Variants in BAHCC1 observed in about 807,000 individuals in gnomAD.
BAHCC1 encodes BAH domain and coiled-coil containing 1, also known as BAH and coiled-coil domain-containing protein 1.
A neutral mutation model predicts 88.2 loss-of-function variants in BAHCC1; 43 were observed. That is an observed-to-expected ratio of 0.49 (90% confidence interval 0.38 to 0.63). The LOEUF (loss-of-function observed/expected upper bound fraction) is 0.63. Among genes scored for constraint, BAHCC1 ranks in the 20% least tolerant of loss-of-function variants. The pLI is 0.00. For missense variants in BAHCC1, 3,023 were observed against 1,654.8 expected, an observed-to-expected ratio of 1.83 and a Z score of -14.34; for synonymous variants, 1,510 against 745.5, an observed-to-expected ratio of 2.03 and a Z score of -16.71.
chr17:81,461,594 C>T lies in BAHCC1; in HGVS notation c.6931C>T (p.Leu2311Phe), dbSNP rs1399841349. 6 of 721,576 alleles carry T rather than the reference C, an allele frequency of 8.3e-6. No individual in the cohort carries two copies. The highest frequency in any genetic ancestry group is 2.0e-5 in the Admixed American group (1 of 50,150). 44.7% of individuals were successfully genotyped at this position (721,576 alleles called of 1,614,324 possible). ...GGCGGCCGGCGTGCCCTCCCGCTTC[C>T]TCGCCCGCCTGTCCGTGTCCTCTTC... ...GLAAGVPSRF[L>F]ARLSVSSSSS... The change falls in exon 26 of 28, where the codon CTC (leucine) becomes TTC (phenylalanine). Residue 2311 changes from leucine to phenylalanine, a missense_variant. By Grantham distance (22) the Leu-to-Phe change is conservative (BLOSUM62 0). Transcript: ENST00000675386.
At position 81,444,447 on chromosome 17, in the gene BAHCC1, C is replaced by T. The variant is rs782210139; in HGVS notation, c.2391C>T (p.Ala797=). The T allele has an allele frequency of 5.4e-6, 4 of 742,090 alleles. No homozygotes were observed. Among genetic ancestry groups the T allele is most frequent in the Non-Finnish European group, 7.5e-6 (3 of 400,452 alleles). 46.0% of individuals were successfully genotyped at this position (742,090 alleles called of 1,614,324 possible). A position where few individuals can be genotyped will look rare whatever the true frequency, so the allele number is the denominator to read the frequency against. ...CGAGCAGCTGCCCTGGGGACCTGGC[C>T]CCCCACCTCATGATGCAGAGCGGCC... is the stretch of plus-strand genomic sequence containing the variant. ...HPPSSCPGDL[A]PHLMMQSGQL... Residue 797 remains alanine (A), a synonymous_variant, in exon 7 of 28, where the codon GCC becomes GCT. Coordinates refer to ENST00000675386, the MANE Select transcript of BAHCC1 (RefSeq NM_001377448.1).
intron 3 of BAHCC1, among the ~76,000 whole-genome samples, chr17:81,428,954 A>C (rs1235557304): frequency 6.6e-6 from 1 of 152,046 alleles, no homozygotes; most frequent in Non-Finnish European, 1.5e-5. Context: ...AGCCCCTTCT[A>C]TCTGCGTCCC....
chr17:81,418,796 C>CGCGCAT (rs1555649116), intron 2 of BAHCC1, among the ~76,000 whole-genome samples: 25,592 of 144,306 alleles, frequency 0.18, 2,455 homozygotes, highest in Non-Finnish European at 0.2. Flanking sequence ...TACGTGTGTG[C>CGCGCAT]GTGTGTGTGT....
rs1217136337 is a variant in BAHCC1, at chr17:81,435,136, C to T, written c.359-3234C>T. On this transcript the variant is annotated intron_variant, in intron 3 of 27. Transcript: ENST00000675386. This position sits in a 1 kb window ranked among gnomAD's most constrained non-coding sequence, Gnocchi z 4.4. ...CCACTGACTGCCCACTCTCTCTCCT[C>T]CTGCCCACACCACAGGCCTCCTACC... 1.3e-5 allele frequency among the ~76,000 whole-genome samples: 2 copies of T among 152,152 alleles called. No individual in the cohort carries two copies. The highest frequency in any genetic ancestry group is 4.8e-5 in the African/African-American group (2 of 41,436).
Position 81,451,713 on chromosome 17 carries a change from C to T in BAHCC1, c.4022C>T (p.Thr1341Met), listed in dbSNP as rs782038149. 9 of 776,774 alleles carry T rather than the reference C, an allele frequency of 1.2e-5. No homozygotes were observed. The highest frequency in any genetic ancestry group is 1.0e-4 in the African/African-American group (6 of 59,142). The allele number at this position is 776,774 out of a possible 1,614,324, so 48.1% of individuals were successfully genotyped here. Residue 1341 changes from threonine (T) to methionine (M), a missense_variant, in exon 12 of 28, where the codon ACG (threonine) becomes ATG (methionine). Coordinates refer to ENST00000675386, the MANE Select transcript of BAHCC1 (RefSeq NM_001377448.1). ...GCCTTCAACCTGCAGCACCTGGCCACGCTGGCCACAGCCTGGTCCCTGGTG... is the reference window on the plus strand; with the variant it reads ...GCCTTCAACCTGCAGCACCTGGCCATGCTGGCCACAGCCTGGTCCCTGGTG... ...VLAFNLQHLA[T>M]LATAWSLVEA... is the part of the protein sequence containing the mutation.
At chr17:81,448,480 C>T (rs762738610) in intron 11 of BAHCC1, among the ~76,000 whole-genome samples, 3 of 152,182 alleles carry the variant, frequency 2.0e-5, no homozygotes, top group Admixed American at 6.5e-5. Flanking sequence ...GCACTCCCTG[C>T]GGTCCAGTGC....
rs1555654728 is a variant in BAHCC1, at chr17:81,447,251, A to G, written c.3379A>G (p.Thr1127Ala). Residue 1127 changes from threonine (T) to alanine (A), a missense_variant, in exon 11 of 28, where the codon ACC becomes GCC. Transcript: ENST00000675386. Reference sequence around the variant, plus strand: ...GCTGCTCTCAGGGGCCAGGGAGGCCACCCAGGACCTTGCCGCCACCCCCTA... The same window carrying G: ...GCTGCTCTCAGGGGCCAGGGAGGCCGCCCAGGACCTTGCCGCCACCCCCTA... ...PGLLSGAREATQDLAATPYPT... is the reference protein window; with the variant it reads ...PGLLSGAREAAQDLAATPYPT... 7.0e-6 allele frequency: 5 copies of G among 716,148 alleles called. No individual in the cohort carries two copies. The highest frequency in any genetic ancestry group is 6.2e-5 in the South Asian group (4 of 64,260). The allele number at this position is 716,148 out of a possible 1,614,324, so 44.4% of individuals were successfully genotyped here. A position where few individuals can be genotyped will look rare whatever the true frequency, so the allele number is the denominator to read the frequency against.
chr17:81,464,901 C>G lies in BAHCC1; in HGVS notation c.*1084C>G, dbSNP rs1055974543. ...TCCTCACCCCTGGGGTCCTAACTTT[C>G]CTGAAAGTAGTAGGTGCCGTGAGAA... On this transcript the variant is annotated 3_prime_UTR_variant, in exon 28 of 28. Coordinates refer to ENST00000675386, the MANE Select transcript of BAHCC1 (RefSeq NM_001377448.1). The G allele has an allele frequency of 6.6e-6, 1 of 152,258 alleles. No individual in the cohort carries two copies. The highest frequency in any genetic ancestry group is 1.5e-5 in the Non-Finnish European group (1 of 68,050). 9.4% of individuals were successfully genotyped at this position (152,258 alleles called of 1,614,324 possible).
At position 81,411,580 on chromosome 17, in the gene BAHCC1, G is replaced by T. The variant is rs1442308038; in HGVS notation, c.178+11663G>T. The T allele has an allele frequency of 7.3e-6, 3 of 411,158 alleles. No homozygotes were observed. The highest frequency in any genetic ancestry group is 7.1e-5 in the African/African-American group (3 of 42,050). 25.5% of individuals were successfully genotyped at this position (411,158 alleles called of 1,614,324 possible). A position where few individuals can be genotyped will look rare whatever the true frequency, so the allele number is the denominator to read the frequency against. ...CCTTCCTTCCTTCCTTCCTTGAGAG[G>T]CCTCTCTACCCAGCACCCACGAAGA... On this transcript the variant is annotated intron_variant, in intron 2 of 27. Coordinates refer to ENST00000675386, the MANE Select transcript of BAHCC1 (RefSeq NM_001377448.1). This position sits in a 1 kb window ranked among gnomAD's most constrained non-coding sequence, Gnocchi z 6.2.
In BAHCC1 at chr17:81,447,865, C is replaced by G. The variant is rs781953398; in HGVS notation, c.3976+17C>G. ...CTGTGCCAGGTAAGCCCGGTGGTTG[C>G]CGCCACCCCCCAGAGTCCCAGCAGT... On this transcript the variant is annotated intron_variant, in intron 11 of 27. Coordinates refer to ENST00000675386, the MANE Select transcript of BAHCC1 (RefSeq NM_001377448.1). 3.8e-5 allele frequency: 27 copies of G among 719,116 alleles called. No homozygotes were observed. The Admixed American group carries it at 5.2e-4, about 14-fold the overall frequency. The allele number at this position is 719,116 out of a possible 1,614,324, so 44.5% of individuals were successfully genotyped here.
At chr17:81,401,008 T>C (rs2063809336) in intron 2 of BAHCC1, 1 of 152,318 alleles carries the variant, frequency 6.6e-6, no homozygotes. Flanking sequence ...TGTTTGTCGC[T>C]TTTAAAAACA....
chr17:81,462,203 T>C (rs1458097434), intron 26 of BAHCC1, among the ~76,000 whole-genome samples, 157 bp downstream of exon 26: 3 of 152,272 alleles, frequency 2.0e-5, no homozygotes, highest in Non-Finnish European at 2.9e-5. Flanking sequence ...GACCCATCCA[T>C]GACCCAGTGA....
rs947748881 is a variant in BAHCC1, at chr17:81,450,754, C to T, written c.3977-914C>T. ...TGAGACTGCATCCAGAAACCCCTGCCCGCTGCCCTCCTCACAAGGAATCGA... is the reference window on the plus strand; with the variant it reads ...TGAGACTGCATCCAGAAACCCCTGCTCGCTGCCCTCCTCACAAGGAATCGA... On this transcript the variant is annotated intron_variant, in intron 11 of 27. Transcript: ENST00000675386. 5.9e-5 allele frequency among the ~76,000 whole-genome samples: 9 copies of T among 152,308 alleles called. 1 individual carries two copies. In the Middle Eastern group the frequency reaches 0.01, roughly 173 times the overall value.
rs528008526 is a variant in BAHCC1, at chr17:81,460,268, C to T, written c.5906-9C>T. 9.2e-6 allele frequency: 7 copies of T among 758,950 alleles called. No individual in the cohort carries two copies. Among genetic ancestry groups the T allele is most frequent in the Admixed American group, 7.2e-5 (4 of 55,910 alleles). The allele number at this position is 758,950 out of a possible 1,614,324, so 47.0% of individuals were successfully genotyped here. A position where few individuals can be genotyped will look rare whatever the true frequency, so the allele number is the denominator to read the frequency against. On this transcript the variant is annotated splice_polypyrimidine_tract_variant and intron_variant, in intron 23 of 27. Coordinates refer to ENST00000675386, the MANE Select transcript of BAHCC1 (RefSeq NM_001377448.1). ...GTTCCAGCTGCAAGCTCAGGTGTGC[C>T]GTCCACAGGGGCCTCCGGTGACGAA...
At chr17:81,421,739 G>A (rs2064118074) in intron 2 of BAHCC1, among the ~76,000 whole-genome samples, 1 of 152,230 alleles carries the variant, frequency 6.6e-6, no homozygotes, top group South Asian at 2.1e-4. Context: ...CCGAGGTGCT[G>A]GCCTGCTGAG....
intron 2 of BAHCC1, among the ~76,000 whole-genome samples, chr17:81,421,246 G>A (rs1470481282): frequency 6.6e-6 from 1 of 152,218 alleles, no homozygotes; most frequent in African/African-American, 2.4e-5. Context: ...GCTGGCCTTG[G>A]CCCACACGGT....
Position 81,442,578 on chromosome 17 carries a change from C to T in BAHCC1, c.1229C>T (p.Ala410Val). ...GCCGACAAGGGCCGCCCCTTCCAGG[C>T]CGCCGAGGCCTGTGCCGTGGCAGGG... Reference protein sequence around the residue: ...HLADKGRPFQAAEACAVAGEG... With the variant: ...HLADKGRPFQVAEACAVAGEG... The change falls in exon 5 of 28, where the codon GCC becomes GTC. Residue 410 changes from alanine (A) to valine (V), a missense_variant. Transcript: ENST00000675386. The T allele has an allele frequency of 1.3e-6, 1 of 762,186 alleles. No homozygotes were observed. The highest frequency in any genetic ancestry group is 2.4e-5 in the East Asian group (1 of 40,970). The allele number at this position is 762,186 out of a possible 1,614,324, so 47.2% of individuals were successfully genotyped here. A position where few individuals can be genotyped will look rare whatever the true frequency, so the allele number is the denominator to read the frequency against.
chr17:81,460,996 G>A lies in BAHCC1; in HGVS notation c.6333G>A (p.Ala2111=), dbSNP rs781897726. 19 of 773,082 alleles carry A rather than the reference G, an allele frequency of 2.5e-5. No individual in the cohort carries two copies. Among genetic ancestry groups the A allele is most frequent in the East Asian group, 4.9e-5 (2 of 41,198 alleles). The allele number at this position is 773,082 out of a possible 1,614,324, so 47.9% of individuals were successfully genotyped here. ...AGACCAAGCGGAAGGCGGTGGCAGCGGCCAGCAAGGGGCCGGGGGTGCTGC... is the reference window on the plus strand; with the variant it reads ...AGACCAAGCGGAAGGCGGTGGCAGCAGCCAGCAAGGGGCCGGGGGTGCTGC... ...VAQTKRKAVA[A]ASKGPGVLQN... Residue 2111 remains alanine, a synonymous_variant, in exon 26 of 28, where the codon GCG becomes GCA. Coordinates refer to ENST00000675386, the MANE Select transcript of BAHCC1 (RefSeq NM_001377448.1).
chr17:81,442,734 A>G lies in BAHCC1; in HGVS notation c.1385A>G (p.Asn462Ser), dbSNP rs377044230. Reference sequence around the variant, plus strand: ...CCTGGGGGCTTTGAGGCGGCCCTCAACCCCCGGCTAAAGGGCCTCGACTAT... The same window carrying G: ...CCTGGGGGCTTTGAGGCGGCCCTCAGCCCCCGGCTAAAGGGCCTCGACTAT... ...RRPGGFEAALNPRLKGLDYLS... is the reference protein window; with the variant it reads ...RRPGGFEAALSPRLKGLDYLS... The change falls in exon 5 of 28, where the codon AAC becomes AGC. Residue 462 changes from asparagine to serine, a missense_variant. Transcript: ENST00000675386. 2 of 777,376 alleles carry G rather than the reference A, an allele frequency of 2.6e-6. No individual in the cohort carries two copies. Among genetic ancestry groups the G allele is most frequent in the African/African-American group, 3.4e-5 (2 of 59,030 alleles). The allele number at this position is 777,376 out of a possible 1,614,324, so 48.2% of individuals were successfully genotyped here. A position where few individuals can be genotyped will look rare whatever the true frequency, so the allele number is the denominator to read the frequency against.
Sources: gnomAD v4.1 joint callset for allele counts (sites outside exome capture counted in the v4.1 genomes callset) on GRCh38, gnomAD v4.1.1 for gene constraint, Gnocchi (gnomAD v3.1) non-coding constraint, MANE v1.5 for transcripts, NCBI Gene and HGNC (gene_info 2026-07-23, HGNC 2026-07-21) for gene names.